PELI2: variants seen among roughly 807,000 people sequenced by gnomAD.
PELI2 encodes pellino E3 ubiquitin protein ligase family member 2.
PELI2 carries 23 observed loss-of-function variants against 42.3 expected under a neutral mutation model. The observed-to-expected ratio is 0.54, with a 90% CI of 0.39 to 0.77. The LOEUF is 0.77. PELI2 is among the 30% of genes least tolerant of loss of function. The probability of loss-of-function intolerance (pLI) is 0.00; values close to 1 mark genes in which losing one functional copy is unlikely to be tolerated. For synonymous variants in PELI2, 245 were observed against 212.2 expected (o/e 1.15, Z -1.34); for missense variants, 463 against 553.2 (o/e 0.84, Z 1.64).
intron 2 of PELI2, among the ~76,000 whole-genome samples, chr14:56,232,508 G>C (rs958906994): frequency 6.6e-6 from 1 of 151,946 alleles, no homozygotes; most frequent in Non-Finnish European, 1.5e-5. Flanking sequence ...GAAACAAAAA[G>C]CACATGATTA....
chr14:56,285,865 A>G (rs887823507), intron 3 of PELI2, among the ~76,000 whole-genome samples: 1 of 152,158 alleles, frequency 6.6e-6, no homozygotes, highest in African/African-American at 2.4e-5. Flanking sequence ...GCGTTTTTAA[A>G]GGTGGGAGAC....
intron 1 of PELI2, among the ~76,000 whole-genome samples, chr14:56,176,510 C>T (rs1386800406): frequency 2.0e-5 from 3 of 152,126 alleles, no homozygotes; most frequent in African/African-American, 4.8e-5. Flanking sequence ...TTAACATGCT[C>T]CCCCTAACTG....
intron 2 of PELI2, among the ~76,000 whole-genome samples, chr14:56,268,101 A>G (rs1226120730): frequency 6.6e-6 from 1 of 152,214 alleles, no homozygotes; most frequent in Non-Finnish European, 1.5e-5. Flanking sequence ...TATATTGTGG[A>G]TGCCTATGTA....
intron 1 of PELI2, among the ~76,000 whole-genome samples, chr14:56,155,222 A>G (rs1283157723): frequency 1.3e-5 from 2 of 148,874 alleles, no homozygotes; most frequent in Admixed American, 1.4e-4. Context: ...TATGTATTCA[A>G]GCATATCAAT....
At chr14:56,158,073 G>C (rs746058625) in intron 1 of PELI2, among the ~76,000 whole-genome samples, 1 of 152,132 alleles carries the variant, frequency 6.6e-6, no homozygotes, top group Non-Finnish European at 1.5e-5. Context: ...TGTTGCCCAG[G>C]CTGGAGTGCA....
chr14:56,297,213 A>T lies in PELI2; in HGVS notation c.*47A>T. On this transcript the variant is annotated 3_prime_UTR_variant, in exon 6 of 6. Transcript: ENST00000267460. ...ACTTTATTAACAGGTTACTGTGAAG[A>T]TTTTGCCACTAACTCTAGATTTTAC... 1 of 1,339,162 alleles carries T rather than the reference A, an allele frequency of 7.5e-7. No individual in the cohort carries two copies. The allele number at this position is 1,339,162 out of a possible 1,614,324, so 83.0% of individuals were successfully genotyped here. A position where few individuals can be genotyped will look rare whatever the true frequency, so the allele number is the denominator to read the frequency against.
At chr14:56,133,334 G>A (rs1384006893) in intron 1 of PELI2, among the ~76,000 whole-genome samples, 1 of 152,140 alleles carries the variant, frequency 6.6e-6, no homozygotes, top group Non-Finnish European at 1.5e-5. Context: ...GGCAAGTTGA[G>A]GGGGCAGCAT....
intron 1 of PELI2, among the ~76,000 whole-genome samples, chr14:56,151,661 T>C (rs887174936): frequency 3.3e-5 from 5 of 152,198 alleles, no homozygotes; most frequent in African/African-American, 1.2e-4. Context: ...TAACAGGGCC[T>C]CCCCTATAAG....
chr14:56,193,550 A>G (rs1209105083), intron 2 of PELI2, among the ~76,000 whole-genome samples: 1 of 152,192 alleles, frequency 6.6e-6, no homozygotes, highest in East Asian at 1.9e-4. Context: ...CTGCAAGCAA[A>G]TACTTAGTCA....
rs564279545 is a variant in PELI2, at chr14:56,170,180, G to A, written c.78-8155G>A. On this transcript the variant is annotated intron_variant, in intron 1 of 5. Transcript: ENST00000267460. ...AGAGCAGTTGCTTTGGAAGGAAGGC[G>A]GAGTCTTCAGCCTGTAATGAAGAGC... Among the ~76,000 whole-genome samples, 4 of 152,250 alleles carry A rather than the reference G, an allele frequency of 2.6e-5. No homozygotes were observed. The South Asian group carries it at 8.3e-4, about 32-fold the overall frequency.
intron 2 of PELI2, among the ~76,000 whole-genome samples, chr14:56,277,763 T>C (rs1190943776): frequency 2.6e-5 from 4 of 152,120 alleles, no homozygotes; most frequent in African/African-American, 9.7e-5. Context: ...AATGTTAAAA[T>C]AGCAAATGTG....
rs1882938535 is a variant in PELI2 at position 56,118,619 on chromosome 14, GCGGCGGCGTCGGCGGCGGCGT to G, written c.-34_-14del. 2.4e-6 allele frequency: 3 copies of G among 1,237,964 alleles called. No individual in the cohort carries two copies. Among genetic ancestry groups the G allele is most frequent in the African/African-American group, 1.7e-5 (1 of 58,758 alleles). 76.7% of individuals were successfully genotyped at this position (1,237,964 alleles called of 1,614,324 possible). ...GGACTCGGCGGGGATCGCGGCGGAG[GCGGCGGCGTCGGCGGCGGCGT>G]CGGCGGCCGAGCGGGGCTCCATGTT... On this transcript the variant is annotated 5_prime_UTR_variant, in exon 1 of 6. Coordinates refer to ENST00000267460, the MANE Select transcript of PELI2 (RefSeq NM_021255.3).
rs147943487 is a variant in PELI2, at chr14:56,135,185, G to T, written c.77+16448G>T. ...CAAATCTGGTTCTGTGAGCATGTGT[G>T]CTGCCGCGTGAGGGCCCCGTGAGTA... On this transcript the variant is annotated intron_variant, in intron 1 of 5. Transcript: ENST00000267460. Among the ~76,000 whole-genome samples the T allele has an allele frequency of 9.8e-4, 150 of 152,324 alleles. 1 individual carries two copies. The highest frequency in any genetic ancestry group is 1.8e-3 in the Non-Finnish European group (122 of 68,018).
At chr14:56,135,107 T>C (rs1883638928) in intron 1 of PELI2, among the ~76,000 whole-genome samples, 1 of 152,204 alleles carries the variant, frequency 6.6e-6, no homozygotes, top group South Asian at 2.1e-4. Flanking sequence ...TTGGTCTTAA[T>C]GGTGTCTCTG....
chr14:56,178,422 A>G lies in PELI2; in HGVS notation c.165A>G (p.Lys55=). ...LYKRPKANGV[K]PSTVHVISTP... is the part of the protein sequence containing the mutation. ...AGCGGCCCAAGGCAAATGGTGTCAA[A>G]CCCAGCACCGTCCATGTGATATCCA... Residue 55 remains lysine (K), a synonymous_variant, in exon 2 of 6, where the codon AAA becomes AAG. Transcript: ENST00000267460. The G allele has an allele frequency of 6.2e-7, 1 of 1,614,190 alleles. No individual in the cohort carries two copies. Among genetic ancestry groups the G allele is most frequent in the Non-Finnish European group, 8.5e-7 (1 of 1,180,022 alleles).
intron 2 of PELI2, among the ~76,000 whole-genome samples, chr14:56,211,529 A>G (rs1388233415): frequency 1.3e-5 from 2 of 152,060 alleles, no homozygotes; most frequent in African/African-American, 2.4e-5. Flanking sequence ...ATCTTTTTCA[A>G]CCTTGTTGGG....
intron 1 of PELI2, among the ~76,000 whole-genome samples, chr14:56,149,990 T>C (rs1040206475): frequency 6.6e-6 from 1 of 152,204 alleles, no homozygotes; most frequent in African/African-American, 2.4e-5. Flanking sequence ...GTGGATGGGA[T>C]TAATGGTTTT....
chr14:56,130,262 AG>A (rs1273786938), intron 1 of PELI2, among the ~76,000 whole-genome samples: 1 of 152,102 alleles, frequency 6.6e-6, no homozygotes, highest in African/African-American at 2.4e-5. Flanking sequence ...TTAAATGTTT[AG>A]CAAGGGAGGT....
In PELI2 at chr14:56,301,131, T is replaced by G. The variant is rs1015577990; in HGVS notation, c.*3965T>G. On this transcript the variant is annotated 3_prime_UTR_variant, in exon 6 of 6. Coordinates refer to ENST00000267460, the MANE Select transcript of PELI2 (RefSeq NM_021255.3). ...TCTAGAAGTTAAGGGGATGGTCACA[T>G]TTACCATGTATTGTGTTATTAGCAG... 2.0e-5 allele frequency: 3 copies of G among 152,668 alleles called. No homozygotes were observed. The highest frequency in any genetic ancestry group is 4.4e-5 in the Non-Finnish European group (3 of 68,038). The allele number at this position is 152,668 out of a possible 1,614,324, so 9.5% of individuals were successfully genotyped here.
Sources: gnomAD v4.1 joint callset for allele counts (sites outside exome capture counted in the v4.1 genomes callset) on GRCh38, gnomAD v4.1.1 for gene constraint, MANE v1.5 for transcripts, NCBI Gene and HGNC (gene_info 2026-07-23, HGNC 2026-07-21) for gene names.